CEP170B: variants seen among roughly 807,000 people sequenced by gnomAD.
CEP170B encodes the protein centrosomal protein of 170 kDa protein B.
A neutral mutation model predicts 120.6 loss-of-function variants in CEP170B; 55 were observed. That is an observed-to-expected ratio of 0.46 (90% CI 0.37 to 0.57). CEP170B has a LOEUF of 0.57. Among genes scored for constraint, CEP170B ranks in the 20% least tolerant of loss-of-function variants. CEP170B has a pLI of 0.00. For missense variants in CEP170B, 2,212 were observed against 2,253.3 expected, an observed-to-expected ratio of 0.98 and a Z score of 0.37; for synonymous variants, 1,033 against 954.5, an observed-to-expected ratio of 1.08 and a Z score of -1.52.
chr14:104,894,099 C>T (rs1206803484), intron 16 of CEP170B, 186 bp from the exon 17 acceptor site: 2 of 657,250 alleles, frequency 3.0e-6, no homozygotes, highest in Non-Finnish European at 5.3e-6. Flanking sequence ...CAGCCCTCCC[C>T]ACCGCCGAGT....
In CEP170B at chr14:104,889,659, G is replaced by T; in HGVS notation, c.3779G>T (p.Arg1260Leu). 6.2e-7 allele frequency: 1 copy of T among 1,612,054 alleles called. No individual in the cohort carries two copies. Among genetic ancestry groups the T allele is most frequent in the Non-Finnish European group, 8.5e-7 (1 of 1,179,728 alleles). Residue 1260 changes from arginine (R) to leucine (L), a missense_variant, in exon 13 of 19, where the codon CGT becomes CTT. By Grantham distance (102) the Arg-to-Leu change is moderately radical (BLOSUM62 -2). Around this residue, in one of 2 missense-constraint regions of CEP170B, gnomAD observed 2,166 missense variants for 2,166.7 expected, o/e 1.00. Transcript: ENST00000414716. The stretch of plus-strand genomic sequence containing the variant: ...AGGGCTGGCAGCTCCAGCCGGGCTC[G>T]TTCCCGGGCCCCCGGCCCCCGGGAC... The part of the protein sequence containing the change: ...TPRAGSSSRA[R>L]SRAPGPRDTD...
chr14:104,888,239 C>T (rs1184799712), intron 12 of CEP170B, among the ~76,000 whole-genome samples: 4 of 152,238 alleles, frequency 2.6e-5, no homozygotes, highest in African/African-American at 9.6e-5. Flanking sequence ...TTCCATCCCC[C>T]AGGGTGTGCC....
chr14:104,889,595 C>G, intron 12 of CEP170B, 25 bp from the exon 13 acceptor site: 1 of 1,608,346 alleles, frequency 6.2e-7, no homozygotes, highest in African/African-American at 1.3e-5. Context: ...CTCCCCCAAA[C>G]ACACACGCTC....
Position 104,884,463 on chromosome 14 carries a change from G to A in CEP170B, c.1684G>A (p.Asp562Asn), listed in dbSNP as rs868330788. ...LTKARKQEED[D>N]SLSDAGTYTI... ...CAAGGCACGGAAACAGGAGGAGGAC[G>A]ACAGCCTCAGTGACGCAGGGACATA... is the stretch of plus-strand genomic sequence containing the variant. The change falls in exon 9 of 19, where the codon GAC becomes AAC. Residue 562 changes from aspartate (D) to asparagine (N), a missense_variant. Physicochemically the swap from Asp to Asn is conservative, Grantham distance 23. Coordinates refer to ENST00000414716, the MANE Select transcript of CEP170B (RefSeq NM_001112726.3). The A allele has an allele frequency of 1.9e-6, 3 of 1,559,350 alleles. No homozygotes were observed. The highest frequency in any genetic ancestry group is 8.7e-7 in the Non-Finnish European group (1 of 1,151,884).
In CEP170B at chr14:104,872,123, TCGTGTGTGTG is replaced by T. The variant is rs1201802371; in HGVS notation, c.105+3580_105+3589del. On this transcript the variant is annotated intron_variant, in intron 2 of 18. Transcript: ENST00000414716. The stretch of plus-strand genomic sequence containing the variant: ...GTGGTCCAGGGTGTGCGTGTGTGCG[TCGTGTGTGTG>T]CGTGTGTGTGCCGTGTGTGTGCGTG... Among the ~76,000 whole-genome samples, 14 of 146,028 alleles carry T rather than the reference TCGTGTGTGTG, an allele frequency of 9.6e-5. No individual in the cohort carries two copies. In the East Asian group the frequency reaches 1.8e-3, roughly 19 times the overall value.
rs962949947 is a variant in CEP170B at position 104,891,644 on chromosome 14, A to G, written c.3879-1332A>G. ...CAGGGCTAGGGCTCTGGACAGAGAC[A>G]CTGCACCTGGCTGAGAAGGGGGTGG... is the stretch of plus-strand genomic sequence containing the variant. On this transcript the variant is annotated intron_variant, in intron 13 of 18. Transcript: ENST00000414716. The surrounding 1 kb of genome is among the most constrained non-coding windows in gnomAD (Gnocchi z 4.3). 6.6e-6 allele frequency among the ~76,000 whole-genome samples: 1 copy of G among 151,964 alleles called. No individual in the cohort carries two copies. Among genetic ancestry groups the G allele is most frequent in the African/African-American group, 2.4e-5 (1 of 41,330 alleles).
chr14:104,893,578 C>A lies in CEP170B; in HGVS notation c.4094C>A (p.Ser1365Ter). Residue 1365 changes from serine (S) to a stop codon, truncating the protein, a stop_gained, in exon 15 of 19, where the codon TCG becomes TAG. Transcript: ENST00000414716. LOFTEE classifies it high-confidence loss of function. ...AACTTCCAGAAGGTGCCGCCCGGCT[C>A]GCTGAACTCTCGGGACTTTGACCAG... is the stretch of plus-strand genomic sequence containing the variant. ...SLNFQKVPPG[S>*]LNSRDFDQNM... 6.2e-7 allele frequency: 1 copy of A among 1,604,712 alleles called. No homozygotes were observed. The highest frequency in any genetic ancestry group is 8.5e-7 in the Non-Finnish European group (1 of 1,176,900).
chr14:104,893,913 C>G, intron 16 of CEP170B, 64 bp downstream of exon 16: 1 of 1,468,148 alleles, frequency 6.8e-7, no homozygotes, highest in Non-Finnish European at 9.4e-7. Context: ...AGCTGAGACT[C>G]AGCCTGGCTG....
chr14:104,887,122 C>T lies in CEP170B; in HGVS notation c.2883C>T (p.Thr961=), dbSNP rs778686421. The part of the protein sequence containing the change: ...SGDSDVDTAS[T]VSLRSGKSGP... ...ACTCGGACGTGGACACAGCCAGCAC[C>T]GTCAGCCTGCGTAGTGGCAAGAGCG... Residue 961 remains threonine, a synonymous_variant, in exon 12 of 19, where the codon ACC becomes ACT. Transcript: ENST00000414716. 10 of 1,610,508 alleles carry T rather than the reference C, an allele frequency of 6.2e-6. No homozygotes were observed. Among genetic ancestry groups the T allele is most frequent in the East Asian group, 4.5e-5 (2 of 44,886 alleles).
At chr14:104,890,305 G>GGTGA (rs1896754680) in intron 13 of CEP170B, among the ~76,000 whole-genome samples, 1 of 142,844 alleles carries the variant, frequency 7.0e-6, no homozygotes, top group Non-Finnish European at 1.5e-5. Context: ...TGGATGGATG[G>GGTGA]GTGAGTGGGT....
Position 104,894,603 on chromosome 14 carries a change from A to G in CEP170B, c.4417+15A>G, listed in dbSNP as rs751171012. 8 of 1,609,444 alleles carry G rather than the reference A, an allele frequency of 5.0e-6. No homozygotes were observed. The highest frequency in any genetic ancestry group is 5.9e-6 in the Non-Finnish European group (7 of 1,177,078). ...ACAGCTGGAAGGTGAGTGTGGCCCAAGCCTGGGGCAGCAAGGGAGGCTGGC... is the reference window on the plus strand; with the variant it reads ...ACAGCTGGAAGGTGAGTGTGGCCCAGGCCTGGGGCAGCAAGGGAGGCTGGC... On this transcript the variant is annotated intron_variant, in intron 18 of 18. Coordinates refer to ENST00000414716, the MANE Select transcript of CEP170B (RefSeq NM_001112726.3).
At chr14:104,877,836 A>ACCCCCCCCCCCCCCC in intron 3 of CEP170B, 49 bp from the exon 4 acceptor site, 1 of 237,066 alleles carries the variant, frequency 4.2e-6, no homozygotes, top group Non-Finnish European at 6.7e-6. Context: ...GCCCACAGCC[A>ACCCCCCCCCCCCCCC]CCCACCCGCG....
chr14:104,888,038 C>T, intron 12 of CEP170B, 60 bp downstream of exon 12: 1 of 1,422,154 alleles, frequency 7.0e-7, no homozygotes, highest in East Asian at 2.5e-5. Flanking sequence ...GGGTCTGCAG[C>T]ATCTTGGATG....
chr14:104,871,539 G>A lies in CEP170B; in HGVS notation c.105+2984G>A, dbSNP rs113715066. Among the ~76,000 whole-genome samples, 515 of 152,184 alleles carry A rather than the reference G, an allele frequency of 3.4e-3. 1 individual carries two copies. The highest frequency in any genetic ancestry group is 0.011 in the African/African-American group (467 of 41,506). Reference sequence around the variant, plus strand: ...CGCCCCCTCCACAGTCCTTGCTTTCGGCGCCACATCTTTCCACTGGGCAGG... The same window carrying A: ...CGCCCCCTCCACAGTCCTTGCTTTCAGCGCCACATCTTTCCACTGGGCAGG... On this transcript the variant is annotated intron_variant, in intron 2 of 18. Transcript: ENST00000414716.
In CEP170B at chr14:104,877,866, G is replaced by A. The variant is rs762676592; in HGVS notation, c.196-19G>A. ...CCCGCGCAGCTCCCCCCCCCCCCCC[G>A]CCACCTGTTTTCCTGCAGACGTTTG... On this transcript the variant is annotated intron_variant, in intron 3 of 18. Transcript: ENST00000414716. 1.2e-4 allele frequency: 11 copies of A among 90,230 alleles called. No individual in the cohort carries two copies. The highest frequency in any genetic ancestry group is 2.3e-3 in the Middle Eastern group (1 of 428). 5.6% of individuals were successfully genotyped at this position (90,230 alleles called of 1,614,324 possible). A position where few individuals can be genotyped will look rare whatever the true frequency, so the allele number is the denominator to read the frequency against.
In CEP170B at chr14:104,885,524, C is replaced by A; in HGVS notation, c.1926C>A (p.Ala642=). 6.4e-7 allele frequency: 1 copy of A among 1,564,726 alleles called. No homozygotes were observed. The highest frequency in any genetic ancestry group is 2.3e-5 in the East Asian group (1 of 42,558). The change falls in exon 10 of 19, where the codon GCC becomes GCA. Residue 642 remains alanine, a synonymous_variant. Transcript: ENST00000414716. ...QEFASRPLGA[A]PQAEHQGLPV... ...TTGCCTCCCGGCCACTGGGTGCGGC[C>A]CCCCAGGCGGAGCACCAGGTACAGG...
chr14:104,892,915 C>G, intron 13 of CEP170B, 61 bp from the exon 14 acceptor site: 1 of 1,528,870 alleles, frequency 6.5e-7, no homozygotes, highest in Non-Finnish European at 8.9e-7. Flanking sequence ...TGAGGCCTGT[C>G]TGGCCCCTGC....
At chr14:104,888,072 C>T (rs1361393415) in intron 12 of CEP170B, 94 bp downstream of exon 12, 19 of 1,341,008 alleles carry the variant, frequency 1.4e-5, no homozygotes, top group Non-Finnish European at 1.9e-5. Flanking sequence ...GGCCGTGGGC[C>T]CCTGGTCCTG....
chr14:104,881,724 C>G (rs560253315), intron 6 of CEP170B, among the ~76,000 whole-genome samples: 1 of 152,160 alleles, frequency 6.6e-6, no homozygotes, highest in Non-Finnish European at 1.5e-5. Context: ...AGTTCAGGGC[C>G]GGCAGCAGAT....
Sources: gnomAD v4.1 joint callset for allele counts (sites outside exome capture counted in the v4.1 genomes callset) on GRCh38, gnomAD v4.1.1 for gene constraint, gnomAD v4.1.1 regional missense constraint, Gnocchi (gnomAD v3.1) non-coding constraint, MANE v1.5 for transcripts, NCBI Gene and HGNC (gene_info 2026-07-23, HGNC 2026-07-21) for gene names.